FLT4: variants seen among roughly 807,000 people sequenced by gnomAD.
The protein encoded by FLT4 is vascular endothelial growth factor receptor 3.
Under a neutral mutation model 163.2 loss-of-function variants are expected in FLT4, and 30 were observed. The observed-to-expected ratio is 0.18, with a 90% CI of 0.14 to 0.25. The LOEUF (loss-of-function observed/expected upper bound fraction) is 0.25. Among genes scored for constraint, FLT4 ranks in the 10% least tolerant of loss-of-function variants. FLT4 has a pLI of 1.00. For synonymous variants in FLT4, 884 were observed against 789.5 expected (o/e 1.12, Z -2.01); for missense variants, 1,510 against 1,863.8 (o/e 0.81, Z 3.50).
At chr5:180,606,082 C>T (rs1761765888) in intron 29 of FLT4, among the ~76,000 whole-genome samples, 1 of 152,230 alleles carries the variant, frequency 6.6e-6, no homozygotes, top group Non-Finnish European at 1.5e-5. Flanking sequence ...CCGCCAGAGA[C>T]CTGTGGCACC....
chr5:180,621,671 C>T lies in FLT4; in HGVS notation c.1891G>A (p.Ala631Thr). 1.2e-6 allele frequency: 2 copies of T among 1,610,736 alleles called. No homozygotes were observed. Among genetic ancestry groups the T allele is most frequent in the Non-Finnish European group, 1.7e-6 (2 of 1,178,414 alleles). Residue 631 changes from alanine to threonine, a missense_variant, in exon 13 of 30, where the codon GCG becomes ACG. By Grantham distance (58) the Ala-to-Thr change is moderately conservative. Around this residue, in one of 5 missense-constraint regions of FLT4, gnomAD observed 878 missense variants for 1,016.7 expected, o/e 0.86. Coordinates refer to ENST00000261937, the MANE Select transcript of FLT4 (RefSeq NM_182925.5). ...CTCAGGCTGAGCGTGGCGTGGCGCGCCCCAGGTGCCACCTCCTCCAGGCTG... is the reference window on the plus strand; with the variant it reads ...CTCAGGCTGAGCGTGGCGTGGCGCGTCCCAGGTGCCACCTCCTCCAGGCTG... ...AASLEEVAPG[A>T]RHATLSLSIP...
intron 29 of FLT4, chr5:180,608,204 CT>C: frequency 1.4e-6 from 1 of 700,720 alleles, no homozygotes; most frequent in Non-Finnish European, 2.6e-6. Context: ...TAGCGAAAGT[CT>C]TAAAGTCTTT....
intron 27 of FLT4, 75 bp downstream of exon 27, chr5:180,611,256 G>T: frequency 6.5e-7 from 1 of 1,548,112 alleles, no homozygotes; most frequent in South Asian, 1.1e-5. Context: ...TTTCCCCGAT[G>T]ACGCAGAGGG....
In FLT4 at chr5:180,621,786, G is replaced by A. The variant is rs1164319160; in HGVS notation, c.1776C>T (p.Arg592=). The part of the protein sequence containing the change: ...SYKYEHLRWY[R]LNLSTLHDAH... ...CATCGTGCAGCGTGGACAGGTTGAGGCGGTACCAGCGCAGATGCTCGTACT... is the reference window on the plus strand; with the variant it reads ...CATCGTGCAGCGTGGACAGGTTGAGACGGTACCAGCGCAGATGCTCGTACT... Residue 592 remains arginine (R), a synonymous_variant, in exon 13 of 30, where the codon CGC becomes CGT. Transcript: ENST00000261937. 2 of 1,613,298 alleles carry A rather than the reference G, an allele frequency of 1.2e-6. No homozygotes were observed. Among genetic ancestry groups the A allele is most frequent in the Non-Finnish European group, 1.7e-6 (2 of 1,180,018 alleles).
chr5:180,623,321 G>A lies in FLT4; in HGVS notation c.1549-482C>T, dbSNP rs886754658. 6.6e-6 allele frequency among the ~76,000 whole-genome samples: 1 copy of A among 152,110 alleles called. No individual in the cohort carries two copies. The highest frequency in any genetic ancestry group is 1.5e-5 in the Non-Finnish European group (1 of 68,012). ...CTCAGCAGCAATCCCGAGGCCCAGG[G>A]TTATTGAGAGGGGTGGGGATGGCTC... is the stretch of plus-strand genomic sequence containing the variant. On this transcript the variant is annotated intron_variant, in intron 11 of 29. Coordinates refer to ENST00000261937, the MANE Select transcript of FLT4 (RefSeq NM_182925.5). The surrounding 1 kb of genome is among the most constrained non-coding windows in gnomAD (Gnocchi z 5.8).
chr5:180,643,689 G>C (rs953842836), intron 1 of FLT4, among the ~76,000 whole-genome samples: 1 of 151,972 alleles, frequency 6.6e-6, no homozygotes, highest in African/African-American at 2.4e-5. Context: ...CCTAGATCTG[G>C]AACAGCCCCT....
At chr5:180,641,597 C>CCT (rs10635060) in intron 1 of FLT4, among the ~76,000 whole-genome samples, 35,597 of 152,058 alleles carry the variant, frequency 0.23, 4,590 homozygotes, top group African/African-American at 0.32. Flanking sequence ...TCACCTGCAC[C>CCT]CTCTCTTCAC....
intron 11 of FLT4, 95 bp from the exon 12 acceptor site, chr5:180,622,934 C>CG (rs1015036854): frequency 3.8e-5 from 30 of 789,114 alleles, no homozygotes; most frequent in Admixed American, 2.2e-4. Context: ...CACCACCCCC[C>CG]CCAATCATGG....
Position 180,616,930 on chromosome 5 carries a change from G to A in FLT4, c.3066C>T (p.Ala1022=), listed in dbSNP as rs1215583498. 1.2e-6 allele frequency: 2 copies of A among 1,613,342 alleles called. No individual in the cohort carries two copies. The highest frequency in any genetic ancestry group is 1.7e-6 in the Non-Finnish European group (2 of 1,179,866). The change falls in exon 22 of 30, where the codon GCC becomes GCT. Residue 1022 remains alanine (A), a synonymous_variant. Transcript: ENST00000261937. ...EDLVCYSFQV[A]RGMEFLASRK... The stretch of plus-strand genomic sequence containing the variant: ...GGGAAGCCAGGAACTCCATCCCTCT[G>A]GCCACCTGGAAGCTGTAGCAGACAA...
At chr5:180,641,975 A>G (rs998188877) in intron 1 of FLT4, among the ~76,000 whole-genome samples, 60 of 151,926 alleles carry the variant, frequency 3.9e-4, no homozygotes, top group African/African-American at 4.4e-4. Context: ...TTGGGAGGCC[A>G]AGGTGGGCGG....
rs184567617 is a variant in FLT4 at position 180,605,028 on chromosome 5, A to G, written c.3894-1638T>C. On this transcript the variant is annotated intron_variant, in intron 29 of 29. Coordinates refer to ENST00000261937, the MANE Select transcript of FLT4 (RefSeq NM_182925.5). ...CAGCCTGGAGTGCAGTGGCACGATC[A>G]TGGCTCACTGCATCCTCGACCTTCT... 2.5e-3 allele frequency among the ~76,000 whole-genome samples: 380 copies of G among 152,298 alleles called. 1 individual carries two copies. Among genetic ancestry groups the G allele is most frequent in the African/African-American group, 8.7e-3 (363 of 41,560 alleles).
At chr5:180,605,063 C>G (rs1761716505) in intron 29 of FLT4, among the ~76,000 whole-genome samples, 1 of 152,258 alleles carries the variant, frequency 6.6e-6, no homozygotes, top group Admixed American at 6.5e-5. Flanking sequence ...TGGGCTCAAG[C>G]AACTCTCCCA....
chr5:180,607,212 C>CA (rs1263460734), intron 29 of FLT4, among the ~76,000 whole-genome samples: 2 of 152,240 alleles, frequency 1.3e-5, no homozygotes, highest in African/African-American at 2.4e-5. Context: ...TCATGTTGGG[C>CA]AAATGGAGTT....
chr5:180,607,595 C>T (rs1279000272), intron 29 of FLT4, among the ~76,000 whole-genome samples: 5 of 149,992 alleles, frequency 3.3e-5, no homozygotes, highest in Admixed American at 6.6e-5. Flanking sequence ...GAGCAGAGAT[C>T]GCACCACTGC....
chr5:180,606,455 C>T (rs1761787213), intron 29 of FLT4, among the ~76,000 whole-genome samples: 2 of 152,214 alleles, frequency 1.3e-5, no homozygotes, highest in South Asian at 4.1e-4. Flanking sequence ...CTATCTGACT[C>T]TCCCACCATG....
chr5:180,636,599 G>C lies in FLT4; in HGVS notation c.59-4821C>G, dbSNP rs1410958108. 7.0e-6 allele frequency among the ~76,000 whole-genome samples: 1 copy of C among 143,376 alleles called. No individual in the cohort carries two copies. The highest frequency in any genetic ancestry group is 2.1e-4 in the East Asian group (1 of 4,814). The allele number at this position is 143,376 out of a possible 152,430, so 94.1% of individuals were successfully genotyped here. A position where few individuals can be genotyped will look rare whatever the true frequency, so the allele number is the denominator to read the frequency against. The stretch of plus-strand genomic sequence containing the variant: ...CTTCTCCATGACTTCACCATCCACA[G>C]GGCTGACTCACCAGCACCCTGGCCT... On this transcript the variant is annotated intron_variant, in intron 1 of 29. Coordinates refer to ENST00000261937, the MANE Select transcript of FLT4 (RefSeq NM_182925.5). This position sits in a 1 kb window ranked among gnomAD's most constrained non-coding sequence, Gnocchi z 4.3.
chr5:180,606,535 G>T (rs1462869868), intron 29 of FLT4, among the ~76,000 whole-genome samples: 1 of 152,202 alleles, frequency 6.6e-6, no homozygotes, highest in East Asian at 1.9e-4. Flanking sequence ...CTGTCTCCTA[G>T]CTGAGCCACA....
At chr5:180,637,400 C>G (rs538968746) in intron 1 of FLT4, among the ~76,000 whole-genome samples, 1 of 152,248 alleles carries the variant, frequency 6.6e-6, no homozygotes, top group African/African-American at 2.4e-5. Flanking sequence ...CCCACACTGC[C>G]AGCCAGGGCC....
At chr5:180,611,538 C>T in intron 26 of FLT4, 59 bp from the exon 27 acceptor site, 6 of 1,582,592 alleles carry the variant, frequency 3.8e-6, no homozygotes, top group South Asian at 2.3e-5. Flanking sequence ...CCTCAGCCCT[C>T]GCCCCCACCC....
Sources: gnomAD v4.1 joint callset for allele counts (sites outside exome capture counted in the v4.1 genomes callset) on GRCh38, gnomAD v4.1.1 for gene constraint, gnomAD v4.1.1 regional missense constraint, Gnocchi (gnomAD v3.1) non-coding constraint, MANE v1.5 for transcripts, NCBI Gene and HGNC (gene_info 2026-07-23, HGNC 2026-07-21) for gene names.